The following ST6GALNAC5 variants were observed in gnomAD, a reference collection of about 807,000 sequenced individuals.
The protein encoded by ST6GALNAC5 is ST6 N-acetylgalactosaminide alpha-2,6-sialyltransferase 5.
A neutral mutation model predicts 33.6 loss-of-function variants in ST6GALNAC5; 27 were observed. The ratio of observed to expected loss-of-function variants is 0.80; its 90% CI spans 0.59 to 1.11. The LOEUF (loss-of-function observed/expected upper bound fraction) is 1.11. ST6GALNAC5 is among the 50% of genes least tolerant of loss of function. ST6GALNAC5 has a pLI of 0.00. For missense variants in ST6GALNAC5, 428 were observed against 454.0 expected (o/e 0.94, Z 0.52); for synonymous variants, 194 against 171.2 (o/e 1.13, Z -1.04).
intron 2 of ST6GALNAC5, among the ~76,000 whole-genome samples, chr1:77,023,248 G>C (rs1209135594): frequency 6.6e-6 from 1 of 152,196 alleles, no homozygotes; most frequent in Non-Finnish European, 1.5e-5. Flanking sequence ...GTGGTATTTT[G>C]TTATGGCAGC....
intron 2 of ST6GALNAC5, among the ~76,000 whole-genome samples, chr1:76,933,045 A>C (rs544851141): frequency 6.6e-6 from 1 of 152,218 alleles, no homozygotes; most frequent in Non-Finnish European, 1.5e-5. Context: ...CTTCTTTTGG[A>C]AACTGCACAC....
At chr1:76,882,267 A>C (rs1653798459) in intron 2 of ST6GALNAC5, among the ~76,000 whole-genome samples, 1 of 152,164 alleles carries the variant, frequency 6.6e-6, no homozygotes. Flanking sequence ...TTAAAACATA[A>C]ACCAAGCCAA....
intron 2 of ST6GALNAC5, among the ~76,000 whole-genome samples, chr1:76,984,133 C>T (rs1345634586): frequency 1.3e-5 from 2 of 152,104 alleles, no homozygotes; most frequent in Admixed American, 1.3e-4. Context: ...AATTAAAATG[C>T]TAGCAGAAGG....
chr1:76,997,848 G>C (rs1161654779), intron 2 of ST6GALNAC5, among the ~76,000 whole-genome samples: 1 of 152,142 alleles, frequency 6.6e-6, no homozygotes, highest in Non-Finnish European at 1.5e-5. Context: ...GTTTGGCTCT[G>C]TGTTCCCACC....
intron 2 of ST6GALNAC5, among the ~76,000 whole-genome samples, chr1:76,882,522 C>G (rs1038483790): frequency 6.6e-6 from 1 of 152,038 alleles, no homozygotes; most frequent in Admixed American, 6.6e-5. Context: ...GAAAATTAAC[C>G]CTGATCATTG....
intron 2 of ST6GALNAC5, among the ~76,000 whole-genome samples, chr1:76,974,874 C>T (rs1648941977): frequency 6.8e-6 from 1 of 146,898 alleles, no homozygotes; most frequent in Admixed American, 7.0e-5. Context: ...CAACTTCCGC[C>T]TCCCGGGTTC....
chr1:76,886,625 G>T (rs1026356056), intron 2 of ST6GALNAC5, among the ~76,000 whole-genome samples: 25 of 152,174 alleles, frequency 1.6e-4, no homozygotes, highest in Admixed American at 6.5e-4. Flanking sequence ...TTGGCCGTTA[G>T]ATTGAACAAT....
chr1:76,970,489 G>GA (rs1235405257), intron 2 of ST6GALNAC5, among the ~76,000 whole-genome samples: 3 of 151,912 alleles, frequency 2.0e-5, no homozygotes, highest in Admixed American at 6.6e-5. Flanking sequence ...AATAAAGCGA[G>GA]AAGAGAAGTT....
intron 2 of ST6GALNAC5, chr1:76,871,520 G>A (rs1653502393): frequency 6.6e-6 from 1 of 152,248 alleles, no homozygotes; most frequent in Non-Finnish European, 1.5e-5. Context: ...AATTCAACAG[G>A]TGGTCCTAAT....
At chr1:77,062,171 A>G (rs1557779133) in intron 4 of ST6GALNAC5, among the ~76,000 whole-genome samples, 1 of 152,192 alleles carries the variant, frequency 6.6e-6, no homozygotes, top group South Asian at 2.1e-4. Flanking sequence ...ATTATTTATT[A>G]AGCACCTACC....
intron 2 of ST6GALNAC5, among the ~76,000 whole-genome samples, chr1:76,978,038 C>T (rs557721670): frequency 1.3e-4 from 20 of 152,160 alleles, no homozygotes; most frequent in African/African-American, 3.9e-4. Context: ...GAGGTAATAG[C>T]TCATAGTAGT....
chr1:76,952,467 G>A (rs77714914), intron 2 of ST6GALNAC5, among the ~76,000 whole-genome samples: 2,194 of 152,070 alleles, frequency 0.014, 28 homozygotes, highest in Middle Eastern at 0.037. Context: ...AAAAGAGACC[G>A]GAGTATCCTA....
At chr1:76,920,621 GA>G (rs35116323) in intron 2 of ST6GALNAC5, among the ~76,000 whole-genome samples, 1 of 152,130 alleles carries the variant, frequency 6.6e-6, no homozygotes, top group Non-Finnish European at 1.5e-5. Flanking sequence ...ACCTCCTTCT[GA>G]AAAGTTTTTT....
rs570306544 is a variant in ST6GALNAC5 at position 77,052,786 on chromosome 1, G to GT, written c.779+2422dup. Among the ~76,000 whole-genome samples, 838 of 151,752 alleles carry GT rather than the reference G, an allele frequency of 5.5e-3. 7 individuals carry two copies. The highest frequency in any genetic ancestry group is 0.019 in the African/African-American group (790 of 41,378). On this transcript the variant is annotated intron_variant, in intron 4 of 4. Coordinates refer to ENST00000477717, the MANE Select transcript of ST6GALNAC5 (RefSeq NM_030965.3). ...ATACAAAAATTAGCCAGGCATGATA[G>GT]TGTGCACCTGTAATCCCAGCTACTC...
At chr1:76,917,625 A>AT (rs1470952053) in intron 2 of ST6GALNAC5, among the ~76,000 whole-genome samples, 1 of 151,682 alleles carries the variant, frequency 6.6e-6, no homozygotes, top group South Asian at 2.1e-4. Flanking sequence ...ATCAAAAACA[A>AT]TAGGCATTAT....
In ST6GALNAC5 at chr1:76,868,247, G is replaced by T. The variant is rs1376725410; in HGVS notation, c.16-250G>T. On this transcript the variant is annotated intron_variant, in intron 1 of 4. Coordinates refer to ENST00000477717, the MANE Select transcript of ST6GALNAC5 (RefSeq NM_030965.3). This position sits in a 1 kb window ranked among gnomAD's most constrained non-coding sequence, Gnocchi z 4.3. ...GCGCTCCCTCCCTCAGCCCGGGGCC[G>T]TACACCACCTGCCCTCTACCGAGAG... 6.6e-6 allele frequency among the ~76,000 whole-genome samples: 1 copy of T among 151,930 alleles called. No homozygotes were observed. Among genetic ancestry groups the T allele is most frequent in the Non-Finnish European group, 1.5e-5 (1 of 67,972 alleles).
chr1:76,928,084 T>TA (rs144500081), intron 2 of ST6GALNAC5, among the ~76,000 whole-genome samples: 5,554 of 152,178 alleles, frequency 0.036, 350 homozygotes, highest in African/African-American at 0.13. Context: ...AACCCCCAGA[T>TA]AGACTTCATG....
chr1:76,976,501 C>G (rs375793903), intron 2 of ST6GALNAC5, among the ~76,000 whole-genome samples: 1 of 152,054 alleles, frequency 6.6e-6, no homozygotes, highest in Non-Finnish European at 1.5e-5. Flanking sequence ...TATAATTACC[C>G]ATTCTTTAAA....
rs539213967 is a variant in ST6GALNAC5, at chr1:76,910,004, G to A, written c.261+41262G>A. ...GTCATAATATGCTTAGGAAAGTCAA[G>A]ATGTTAACATTCACATTCTAGGACT... On this transcript the variant is annotated intron_variant, in intron 2 of 4. Transcript: ENST00000477717. 4.6e-5 allele frequency among the ~76,000 whole-genome samples: 7 copies of A among 152,120 alleles called. No homozygotes were observed. The East Asian group carries it at 1.4e-3, about 29-fold the overall frequency.
Sources: gnomAD v4.1 joint callset for allele counts (sites outside exome capture counted in the v4.1 genomes callset) on GRCh38, gnomAD v4.1.1 for gene constraint, Gnocchi (gnomAD v3.1) non-coding constraint, MANE v1.5 for transcripts, NCBI Gene and HGNC (gene_info 2026-07-23, HGNC 2026-07-21) for gene names.